The following UBXN2B variants were observed in gnomAD, a reference collection of about 807,000 sequenced individuals.
UBXN2B encodes UBX domain-containing protein 2B.
A neutral mutation model predicts 37.5 loss-of-function variants in UBXN2B; 19 were observed. The observed-to-expected ratio is 0.51, with a 90% CI of 0.35 to 0.74. The LOEUF (loss-of-function observed/expected upper bound fraction) is 0.74. Ranked by LOEUF, UBXN2B falls within the 30% of genes least tolerant of loss-of-function variation. The pLI is 0.01. For missense variants in UBXN2B, 370 were observed against 393.2 expected (o/e 0.94, Z 0.50); for synonymous variants, 145 against 143.8 (o/e 1.01, Z -0.06).
chr8:58,442,010 C>A (rs1808563228), intron 6 of UBXN2B, among the ~76,000 whole-genome samples: 1 of 152,186 alleles, frequency 6.6e-6, no homozygotes, highest in African/African-American at 2.4e-5. Context: ...TAGTCAGGTG[C>A]TTGGTGCCCA....
At chr8:58,437,952 C>G (rs114706574) in intron 5 of UBXN2B, among the ~76,000 whole-genome samples, 9 of 104,268 alleles carry the variant, frequency 8.6e-5, no homozygotes, top group Non-Finnish European at 1.2e-4. Context: ...TTAAGGCAGC[C>G]CCCCCCCCAA....
At chr8:58,433,299 CTG>C (rs149543550) in intron 4 of UBXN2B, 56 bp downstream of exon 4, 34,302 of 1,413,940 alleles carry the variant, frequency 0.024, 714 homozygotes, top group East Asian at 0.089. Context: ...GTTACTAAAA[CTG>C]TTGGTTTTAA....
intron 2 of UBXN2B, chr8:58,426,465 C>T: frequency 2.9e-6 from 2 of 683,478 alleles, no homozygotes; most frequent in Non-Finnish European, 2.7e-6. Flanking sequence ...TCCTCAGCCT[C>T]CCAAAGTGCT....
Position 58,411,378 on chromosome 8 carries a change from A to C in UBXN2B, c.-8A>C, listed in dbSNP as rs554134382. The C allele has an allele frequency of 1.6e-6, 2 of 1,269,912 alleles. No homozygotes were observed. The highest frequency in any genetic ancestry group is 2.9e-5 in the South Asian group (1 of 35,008). 78.7% of individuals were successfully genotyped at this position (1,269,912 alleles called of 1,614,324 possible). On this transcript the variant is annotated 5_prime_UTR_variant, in exon 1 of 8. Coordinates refer to ENST00000399598, the MANE Select transcript of UBXN2B (RefSeq NM_001077619.2). ...GCGTCCGCAGCGGGCGCCGCTAGCCAGCGGAAGATGGCGGAGGGCGGAGGC... is the reference window on the plus strand; with the variant it reads ...GCGTCCGCAGCGGGCGCCGCTAGCCCGCGGAAGATGGCGGAGGGCGGAGGC...
At chr8:58,415,624 A>G (rs1231014031) in intron 1 of UBXN2B, among the ~76,000 whole-genome samples, 4 of 152,124 alleles carry the variant, frequency 2.6e-5, no homozygotes, top group Non-Finnish European at 5.9e-5. Context: ...TGTGCTTTCC[A>G]TACATTATTT....
At chr8:58,425,247 A>G (rs1808050338) in intron 2 of UBXN2B, 2 of 1,107,648 alleles carry the variant, frequency 1.8e-6, no homozygotes, top group Non-Finnish European at 1.4e-6. Flanking sequence ...CTTTTAGAGC[A>G]TACTCATCAG....
chr8:58,431,193 T>C (rs1261217038), intron 3 of UBXN2B, among the ~76,000 whole-genome samples: 1 of 152,088 alleles, frequency 6.6e-6, no homozygotes, highest in Non-Finnish European at 1.5e-5. Context: ...ATGTTAAGAG[T>C]GTTAAACCAG....
At chr8:58,427,746 A>G (rs1808141863) in intron 2 of UBXN2B, among the ~76,000 whole-genome samples, 1 of 152,240 alleles carries the variant, frequency 6.6e-6, no homozygotes, top group Non-Finnish European at 1.5e-5. Context: ...TAAATTCAAC[A>G]CTGGACCATA....
intron 6 of UBXN2B, among the ~76,000 whole-genome samples, chr8:58,443,190 GA>G (rs1808591807): frequency 6.6e-6 from 1 of 152,108 alleles, no homozygotes; most frequent in African/African-American, 2.4e-5. Flanking sequence ...GCTTCATTGA[GA>G]AAATAGAACC....
chr8:58,449,368 A>G lies in UBXN2B; in HGVS notation c.*1817A>G, dbSNP rs2129604816. ...CATCACAAATAAATTTACATCACTC[A>G]TAGGTGCTCAAAAGTCACAATCCAT... On this transcript the variant is annotated 3_prime_UTR_variant, in exon 8 of 8. Transcript: ENST00000399598. 1 of 151,276 alleles carries G rather than the reference A, an allele frequency of 6.6e-6. No individual in the cohort carries two copies. Among genetic ancestry groups the G allele is most frequent in the East Asian group, 2.0e-4 (1 of 5,118 alleles). 9.4% of individuals were successfully genotyped at this position (151,276 alleles called of 1,614,324 possible).
At chr8:58,439,942 CATA>C (rs979802990) in intron 6 of UBXN2B, among the ~76,000 whole-genome samples, 172 bp downstream of exon 6, 8 of 137,758 alleles carry the variant, frequency 5.8e-5, no homozygotes, top group African/African-American at 1.0e-4. Flanking sequence ...ACCATTATAT[CATA>C]ATATTAATTG....
intron 5 of UBXN2B, among the ~76,000 whole-genome samples, chr8:58,437,662 G>T (rs1157693332): frequency 6.6e-6 from 1 of 152,130 alleles, no homozygotes; most frequent in Non-Finnish European, 1.5e-5. Context: ...CATTCAAGAG[G>T]CTTTGTGGCA....
At chr8:58,416,123 G>T (rs1044163435) in intron 1 of UBXN2B, among the ~76,000 whole-genome samples, 6 of 150,656 alleles carry the variant, frequency 4.0e-5, no homozygotes, top group Admixed American at 2.0e-4. Flanking sequence ...AGCCACAGGA[G>T]CATTAAAGAA....
chr8:58,424,617 G>A (rs1808025548), intron 2 of UBXN2B: 3 of 1,188,342 alleles, frequency 2.5e-6, no homozygotes. Context: ...TGTTGCATCA[G>A]GCCCACGTTT....
At chr8:58,436,043 T>C (rs1808404628) in intron 5 of UBXN2B, among the ~76,000 whole-genome samples, 1 of 152,228 alleles carries the variant, frequency 6.6e-6, no homozygotes, top group Admixed American at 6.5e-5. Flanking sequence ...AAATGATACA[T>C]GTTTTAGTTT....
chr8:58,437,318 CTTTTTTTTT>C (rs773987509), intron 5 of UBXN2B, among the ~76,000 whole-genome samples: 17 of 74,264 alleles, frequency 2.3e-4, no homozygotes, highest in East Asian at 2.1e-3. Context: ...GAAGAAATTT[CTTTTTTTTT>C]TTTTTTTTTT....
intron 5 of UBXN2B, among the ~76,000 whole-genome samples, chr8:58,436,986 C>G (rs62512912): frequency 0.2 from 30,181 of 152,112 alleles, 3,163 homozygotes; most frequent in Middle Eastern, 0.28. Flanking sequence ...TCTAAAGATA[C>G]ATGAAGATGT....
chr8:58,424,735 T>A (rs181632807), intron 2 of UBXN2B: 52 of 1,396,806 alleles, frequency 3.7e-5, no homozygotes, highest in Middle Eastern at 4.1e-4. Context: ...TAGAGAATAC[T>A]TAATATTTGT....
At chr8:58,416,115 C>T (rs1217786675) in intron 1 of UBXN2B, among the ~76,000 whole-genome samples, 1 of 149,064 alleles carries the variant, frequency 6.7e-6, no homozygotes, top group African/African-American at 2.5e-5. Flanking sequence ...AATTGAATAG[C>T]CACAGGAGCA....
Sources: allele counts gnomAD v4.1 joint callset (sites outside exome capture counted in the v4.1 genomes callset), GRCh38; gene constraint gnomAD v4.1.1; transcripts MANE v1.5; gene names NCBI Gene and HGNC (gene_info 2026-07-23, HGNC 2026-07-21).